WIPF3: variants seen among roughly 807,000 people sequenced by gnomAD.
WIPF3 encodes the protein WAS/WASL-interacting protein family member 3.
Under a neutral mutation model 38.9 loss-of-function variants are expected in WIPF3, and 33 were observed. The observed-to-expected ratio is 0.85, with a 90% confidence interval of 0.64 to 1.14. The LOEUF is 1.14. WIPF3 is among the 50% of genes most tolerant of loss of function. The probability of loss-of-function intolerance (pLI) is 0.00; values close to 1 mark genes in which losing one functional copy is unlikely to be tolerated. For synonymous variants in WIPF3, 324 were observed against 269.3 expected (o/e 1.20, Z -1.99); for missense variants, 711 against 652.5 (o/e 1.09, Z -0.98).
intron 8 of WIPF3, among the ~76,000 whole-genome samples, chr7:29,907,388 C>T (rs1786418098): frequency 6.6e-6 from 1 of 152,132 alleles, no homozygotes; most frequent in African/African-American, 2.4e-5. Context: ...TGTAAAAAAG[C>T]AGATATTTTG....
chr7:29,817,652 C>A (rs1784477498), intron 1 of WIPF3, among the ~76,000 whole-genome samples: 2 of 151,904 alleles, frequency 1.3e-5, no homozygotes, highest in Admixed American at 1.3e-4. Context: ...AAATAATAAC[C>A]AAAATTTCCA....
At chr7:29,850,274 G>T (rs572015523) in intron 2 of WIPF3, among the ~76,000 whole-genome samples, 1 of 152,198 alleles carries the variant, frequency 6.6e-6, no homozygotes, top group African/African-American at 2.4e-5. Context: ...AAAAGCAATG[G>T]TTGATGTAAA....
At chr7:29,895,013 G>C (rs531070400) in intron 7 of WIPF3, among the ~76,000 whole-genome samples, 1 of 151,732 alleles carries the variant, frequency 6.6e-6, no homozygotes, top group Non-Finnish European at 1.5e-5. Flanking sequence ...GTGCAGTGGC[G>C]TGATCTCGGC....
intron 4 of WIPF3, 128 bp downstream of exon 4, chr7:29,879,268 A>C: frequency 1.4e-4 from 168 of 1,205,166 alleles, no homozygotes; most frequent in Middle Eastern, 2.9e-4. Context: ...GTAGAAGATC[A>C]TGTTCTTGGG....
chr7:29,821,442 G>A (rs536173029), intron 1 of WIPF3, among the ~76,000 whole-genome samples: 8 of 152,066 alleles, frequency 5.3e-5, no homozygotes, highest in East Asian at 3.9e-4. Flanking sequence ...CAAGACACAC[G>A]CCACCATGCC....
At chr7:29,848,053 G>A (rs1583601606) in intron 2 of WIPF3, among the ~76,000 whole-genome samples, 3 of 152,334 alleles carry the variant, frequency 2.0e-5, no homozygotes, top group Admixed American at 6.5e-5. Context: ...CATGGGGCCA[G>A]TACTTGCTCC....
chr7:29,850,525 C>T (rs1402907307), intron 2 of WIPF3, among the ~76,000 whole-genome samples: 1 of 152,224 alleles, frequency 6.6e-6, no homozygotes, highest in Non-Finnish European at 1.5e-5. Context: ...AGGTCTGGTT[C>T]TTTGTGGTTA....
chr7:29,910,088 GGAT>G (rs1786477843), intron 8 of WIPF3, among the ~76,000 whole-genome samples: 2 of 152,002 alleles, frequency 1.3e-5, no homozygotes, highest in East Asian at 3.8e-4. Flanking sequence ...GAATATAACT[GGAT>G]TGTCTGTAAC....
At position 29,916,425 on chromosome 7, in the gene WIPF3, A is replaced by C. The variant is rs964120221; in HGVS notation, c.*1909A>C. 1.3e-5 allele frequency: 2 copies of C among 152,260 alleles called. No individual in the cohort carries two copies. The highest frequency in any genetic ancestry group is 2.9e-5 in the Non-Finnish European group (2 of 68,062). 9.4% of individuals were successfully genotyped at this position (152,260 alleles called of 1,614,324 possible). On this transcript the variant is annotated 3_prime_UTR_variant, in exon 9 of 9. Transcript: ENST00000242140. ...ATGGAAATTAAAATAACACTATTTAAGGACAGAGCGGGCCAGGAGCAGTGG... is the reference window on the plus strand; with the variant it reads ...ATGGAAATTAAAATAACACTATTTACGGACAGAGCGGGCCAGGAGCAGTGG...
In WIPF3 at chr7:29,914,636, T is replaced by G. The variant is rs1786571281; in HGVS notation, c.*120T>G. ...TACAGGCTTGGAATTGAGAATTTAT[T>G]TATTGTAAATATGTGATTTGCACGG... On this transcript the variant is annotated 3_prime_UTR_variant, in exon 9 of 9. Coordinates refer to ENST00000242140, the MANE Select transcript of WIPF3 (RefSeq NM_001080529.3). 1.6e-6 allele frequency: 1 copy of G among 607,614 alleles called. No individual in the cohort carries two copies. The highest frequency in any genetic ancestry group is 2.6e-6 in the Non-Finnish European group (1 of 389,644). The allele number at this position is 607,614 out of a possible 1,614,324, so 37.6% of individuals were successfully genotyped here.
rs537039972 is a variant in WIPF3 at position 29,844,440 on chromosome 7, A to G, written c.90+9626A>G. 6.6e-5 allele frequency among the ~76,000 whole-genome samples: 10 copies of G among 152,326 alleles called. No homozygotes were observed. In the South Asian group the frequency reaches 2.1e-3, roughly 32 times the overall value. On this transcript the variant is annotated intron_variant, in intron 2 of 8. Coordinates refer to ENST00000242140, the MANE Select transcript of WIPF3 (RefSeq NM_001080529.3). This position sits in a 1 kb window ranked among gnomAD's most constrained non-coding sequence, Gnocchi z 4.8. ...GCACTTAACATGGATTGTCTAAATT[A>G]TCTAAATATTTACAACAATCCAATG...
chr7:29,914,364 C>T, intron 8 of WIPF3, 129 bp from the exon 9 acceptor site: 1 of 697,374 alleles, frequency 1.4e-6, no homozygotes, highest in African/African-American at 1.9e-5. Context: ...AGGCATCTCC[C>T]CAAACTTGAC....
intron 2 of WIPF3, among the ~76,000 whole-genome samples, chr7:29,836,709 C>T (rs192863515): frequency 1.4e-3 from 214 of 152,300 alleles, no homozygotes; most frequent in Non-Finnish European, 2.3e-3. Flanking sequence ...TTACATCTGG[C>T]GGGGCACAGT....
At chr7:29,870,694 G>C (rs1785479254) in intron 2 of WIPF3, among the ~76,000 whole-genome samples, 1 of 152,200 alleles carries the variant, frequency 6.6e-6, no homozygotes, top group South Asian at 2.1e-4. Flanking sequence ...AAGGGGCACA[G>C]GGTGAATCAG....
chr7:29,871,348 G>T (rs956720327), intron 2 of WIPF3, among the ~76,000 whole-genome samples: 2 of 152,172 alleles, frequency 1.3e-5, no homozygotes, highest in Non-Finnish European at 2.9e-5. Flanking sequence ...GGAGACAGGG[G>T]TAGGCTGAGG....
At chr7:29,850,194 A>G (rs1023746605) in intron 2 of WIPF3, among the ~76,000 whole-genome samples, 1 of 152,254 alleles carries the variant, frequency 6.6e-6, no homozygotes, top group African/African-American at 2.4e-5. Context: ...CTTGTTCCCC[A>G]TAACTTCCTC....
intron 2 of WIPF3, among the ~76,000 whole-genome samples, chr7:29,843,734 G>A (rs1442880909): frequency 6.6e-6 from 1 of 152,112 alleles, no homozygotes; most frequent in Admixed American, 6.5e-5. Context: ...GGGAGGCTGG[G>A]ATCTTTGGAG....
intron 2 of WIPF3, among the ~76,000 whole-genome samples, chr7:29,862,063 G>A (rs1785291043): frequency 6.6e-6 from 1 of 152,180 alleles, no homozygotes; most frequent in Non-Finnish European, 1.5e-5. Flanking sequence ...GGGAAGCCCT[G>A]GTGTGGTTGC....
chr7:29,842,811 A>G (rs1023444581), intron 2 of WIPF3, among the ~76,000 whole-genome samples: 4 of 152,328 alleles, frequency 2.6e-5, no homozygotes, highest in Non-Finnish European at 4.4e-5. Flanking sequence ...GTAGAATTGC[A>G]TATTGCACCA....
Sources: gnomAD v4.1 joint callset for allele counts (sites outside exome capture counted in the v4.1 genomes callset) on GRCh38, gnomAD v4.1.1 for gene constraint, Gnocchi (gnomAD v3.1) non-coding constraint, MANE v1.5 for transcripts, NCBI Gene and HGNC (gene_info 2026-07-23, HGNC 2026-07-21) for gene names.